The following DCAF5 variants were observed in gnomAD, a reference collection of about 807,000 sequenced individuals.
DCAF5 encodes DDB1 and CUL4 associated factor 5.
A neutral mutation model predicts 80.7 loss-of-function variants in DCAF5; 9 were observed. That is an observed-to-expected ratio of 0.11 (90% CI 0.07 to 0.19). The LOEUF (loss-of-function observed/expected upper bound fraction) is 0.19. DCAF5 is among the 10% of genes least tolerant of loss of function. The probability of loss-of-function intolerance (pLI) is 1.00; values close to 1 mark genes in which losing one functional copy is unlikely to be tolerated. For missense variants in DCAF5, 842 were observed against 1,205.7 expected (o/e 0.70, Z 4.47); for synonymous variants, 433 against 461.9 (o/e 0.94, Z 0.80).
intron 7 of DCAF5, among the ~76,000 whole-genome samples, chr14:69,068,514 C>A (rs1789881486): frequency 1.3e-5 from 2 of 152,166 alleles, no homozygotes; most frequent in South Asian, 2.1e-4. Flanking sequence ...GCCTGACCAA[C>A]ATGGAGAAAC....
intron 6 of DCAF5, among the ~76,000 whole-genome samples, chr14:69,077,413 T>C (rs1283772961): frequency 2.8e-5 from 4 of 140,946 alleles, no homozygotes; most frequent in Non-Finnish European, 6.4e-5. Flanking sequence ...TGACAGGGTC[T>C]TGCTCTGTCA....
At chr14:69,098,137 C>A (rs552470698) in intron 5 of DCAF5, among the ~76,000 whole-genome samples, 1 of 71,190 alleles carries the variant, frequency 1.4e-5, no homozygotes, top group Admixed American at 1.7e-4. Context: ...ACCCCACCTC[C>A]TAGGACTCTC....
intron 7 of DCAF5, among the ~76,000 whole-genome samples, chr14:69,065,891 T>TC (rs1424907043): frequency 2.0e-5 from 3 of 152,048 alleles, no homozygotes; most frequent in African/African-American, 7.2e-5. Flanking sequence ...ACCCACATAA[T>TC]CTCCCTTCAG....
At chr14:69,083,457 GCGGCA>G in intron 6 of DCAF5, 1 of 324,212 alleles carries the variant, frequency 3.1e-6, no homozygotes, top group Admixed American at 3.6e-5. Flanking sequence ...ACCTCAAACT[GCGGCA>G]GTGGAACCTA....
At chr14:69,113,155 A>C (rs2040428138) in intron 5 of DCAF5, among the ~76,000 whole-genome samples, 1 of 151,864 alleles carries the variant, frequency 6.6e-6, no homozygotes, top group Admixed American at 6.6e-5. Context: ...AAGACAGGGA[A>C]ATCATTCAAG....
Position 69,054,373 on chromosome 14 carries a change from T to C in DCAF5, c.2313A>G (p.Val771=), listed in dbSNP as rs2037870186. The stretch of plus-strand genomic sequence containing the variant: ...GCTTCTTGGTTTCAAAAGGGTGCTC[T>C]ACAGAGCCGCTATTGCCAGTGTCCT... ...TSQDTGNSGS[V]EHPFETKKLN... Residue 771 remains valine, a synonymous_variant, in exon 9 of 9, where the codon GTA becomes GTG. Coordinates refer to ENST00000341516, the MANE Select transcript of DCAF5 (RefSeq NM_003861.3). 5.6e-6 allele frequency: 9 copies of C among 1,614,156 alleles called. No individual in the cohort carries two copies. The highest frequency in any genetic ancestry group is 7.6e-6 in the Non-Finnish European group (9 of 1,180,024).
intron 7 of DCAF5, among the ~76,000 whole-genome samples, chr14:69,065,041 G>C (rs2038374795): frequency 6.7e-6 from 1 of 150,126 alleles, no homozygotes; most frequent in Admixed American, 6.6e-5. Flanking sequence ...ATCAATGCCT[G>C]AAAATTCAGA....
chr14:69,083,662 T>G, intron 6 of DCAF5: 3 of 603,924 alleles, frequency 5.0e-6, no homozygotes, highest in Non-Finnish European at 9.2e-6. Flanking sequence ...TCCCCAGAAA[T>G]CCACCGTATT....
At chr14:69,073,210 G>A (rs2038768122) in intron 7 of DCAF5, among the ~76,000 whole-genome samples, 1 of 152,106 alleles carries the variant, frequency 6.6e-6, no homozygotes, top group African/African-American at 2.4e-5. Context: ...AAACTTAGGG[G>A]TACTATCCCT....
At chr14:69,094,538 G>GT (rs2039636689) in intron 5 of DCAF5, among the ~76,000 whole-genome samples, 1 of 152,170 alleles carries the variant, frequency 6.6e-6, no homozygotes, top group South Asian at 2.1e-4. Context: ...AAAACTTCAT[G>GT]TTTTGTCACA....
At chr14:69,132,415 C>T (rs2041068348) in intron 1 of DCAF5, among the ~76,000 whole-genome samples, 1 of 152,154 alleles carries the variant, frequency 6.6e-6, no homozygotes, top group African/African-American at 2.4e-5. Context: ...TTTTAAATAT[C>T]TCAGAGCGCA....
At chr14:69,098,247 G>A (rs2039807106) in intron 5 of DCAF5, among the ~76,000 whole-genome samples, 1 of 152,112 alleles carries the variant, frequency 6.6e-6, no homozygotes, top group Admixed American at 6.5e-5. Context: ...AGATCCTGCA[G>A]CCTAGAATGT....
chr14:69,101,821 C>A (rs768644805), intron 5 of DCAF5, among the ~76,000 whole-genome samples: 16 of 152,084 alleles, frequency 1.1e-4, no homozygotes, highest in Non-Finnish European at 2.1e-4. Flanking sequence ...AACTGTAACA[C>A]AATGGGTAAG....
intron 1 of DCAF5, among the ~76,000 whole-genome samples, chr14:69,144,946 C>T (rs567245146): frequency 2.0e-5 from 3 of 152,268 alleles, no homozygotes; most frequent in East Asian, 3.9e-4. Context: ...TCCATTTCTC[C>T]GATCCCATGC....
chr14:69,119,133 T>C (rs2040628795), intron 3 of DCAF5, 61 bp downstream of exon 3: 15 of 1,551,990 alleles, frequency 9.7e-6, no homozygotes, highest in Non-Finnish European at 1.2e-5. Flanking sequence ...TAAAGAGATA[T>C]TTGCCTCTTC....
chr14:69,081,239 A>T (rs2039091482), intron 6 of DCAF5, among the ~76,000 whole-genome samples: 1 of 152,116 alleles, frequency 6.6e-6, no homozygotes, highest in Admixed American at 6.6e-5. Flanking sequence ...TTCCCAAAAC[A>T]CCCTGAGTTG....
chr14:69,054,769 C>T lies in DCAF5; in HGVS notation c.1917G>A (p.Thr639=), dbSNP rs1339750706. The change falls in exon 9 of 9, where the codon ACG becomes ACA. Residue 639 remains threonine, a synonymous_variant. Coordinates refer to ENST00000341516, the MANE Select transcript of DCAF5 (RefSeq NM_003861.3). The part of the protein sequence containing the change: ...PTSSPERSTS[T]LEIQPSRASP... ...ATGCCCGGCTTGGTTGAATCTCTAG[C>T]GTGGAAGTGCTCCGCTCAGGGGACG... 16 of 1,614,224 alleles carry T rather than the reference C, an allele frequency of 9.9e-6. No homozygotes were observed. The highest frequency in any genetic ancestry group is 3.3e-5 in the South Asian group (3 of 91,080).
At chr14:69,132,645 G>C (rs1386522801) in intron 1 of DCAF5, among the ~76,000 whole-genome samples, 1 of 152,130 alleles carries the variant, frequency 6.6e-6, no homozygotes, top group East Asian at 1.9e-4. Context: ...AACATTAAGA[G>C]CACTAAGCTC....
rs76573951 is a variant in DCAF5, at chr14:69,107,926, C to T, written c.665+8440G>A. On this transcript the variant is annotated intron_variant, in intron 5 of 8. Transcript: ENST00000341516. Reference sequence around the variant, plus strand: ...CTAGAGATTAAAGATGAATAAAACACGCACCTGCCCTTAAAAATTCATAGA... The same window carrying T: ...CTAGAGATTAAAGATGAATAAAACATGCACCTGCCCTTAAAAATTCATAGA... Among the ~76,000 whole-genome samples, 1,331 of 152,290 alleles carry T rather than the reference C, an allele frequency of 8.7e-3. 21 individuals are homozygous for T. Among genetic ancestry groups the T allele is most frequent in the African/African-American group, 0.03 (1,265 of 41,544 alleles).
Sources: allele counts gnomAD v4.1 joint callset (sites outside exome capture counted in the v4.1 genomes callset), GRCh38; gene constraint gnomAD v4.1.1; transcripts MANE v1.5; gene names NCBI Gene and HGNC (gene_info 2026-07-23, HGNC 2026-07-21).